Variants in FBN1 observed in about 807,000 individuals in gnomAD.
FBN1 encodes the protein fibrillin-1.
In FBN1, 29 loss-of-function variants were observed where a neutral mutation model predicts 365.1. The observed-to-expected ratio is 0.08, with a 90% CI of 0.06 to 0.11. The LOEUF is 0.11. Among genes scored for constraint, FBN1 ranks in the 10% least tolerant of loss-of-function variants. FBN1 has a pLI of 1.00. For missense variants in FBN1, 2,476 were observed against 3,703.2 expected, an observed-to-expected ratio of 0.67 and a Z score of 8.60; for synonymous variants, 1,210 against 1,270.5, an observed-to-expected ratio of 0.95 and a Z score of 1.01.
At chr15:48,534,283 T>C in intron 7 of FBN1, 78 bp from the exon 8 acceptor site, 1 of 1,442,114 alleles carries the variant, frequency 6.9e-7, no homozygotes, top group South Asian at 1.2e-5. Context: ...TGATAATTTG[T>C]CCACAATTAT....
At chr15:48,420,497 T>A (rs1210474352) in intron 63 of FBN1, among the ~76,000 whole-genome samples, 190 bp downstream of exon 63, 1 of 96,050 alleles carries the variant, frequency 1.0e-5, no homozygotes, top group African/African-American at 2.8e-5. Flanking sequence ...GCACCCTCAA[T>A]TATAATTTTT....
At chr15:48,532,462 ATG>A (rs570097106) in intron 8 of FBN1, among the ~76,000 whole-genome samples, 12 of 151,364 alleles carry the variant, frequency 7.9e-5, no homozygotes, top group East Asian at 3.9e-4. Flanking sequence ...ATATAAAGAT[ATG>A]TGTGTGTGTA....
intron 38 of FBN1, among the ~76,000 whole-genome samples, chr15:48,467,393 T>C (rs2043331625): frequency 6.6e-6 from 1 of 152,204 alleles, no homozygotes; most frequent in African/African-American, 2.4e-5. Flanking sequence ...AGAAGCTACA[T>C]CTAATTCTGA....
Position 48,463,960 on chromosome 15 carries a change from G to A in FBN1, c.5004C>T (p.Gly1668=). The A allele has an allele frequency of 6.2e-7, 1 of 1,613,516 alleles. No homozygotes were observed. Among genetic ancestry groups the A allele is most frequent in the Non-Finnish European group, 8.5e-7 (1 of 1,179,474 alleles). The change falls in exon 41 of 66, where the codon GGC becomes GGT. Residue 1668 remains glycine (G), a synonymous_variant. Coordinates refer to ENST00000316623, the MANE Select transcript of FBN1 (RefSeq NM_000138.5). ...CTGGAGGACAGATACAGGTGTAGTT[G>A]CCAACGGTGTTGTAACATGTCCCTG... ...CGPGTCYNTV[G]NYTCICPPDY... is the part of the protein sequence containing the mutation.
At chr15:48,468,647 G>A (rs1046388744) in intron 36 of FBN1, 113 bp from the exon 37 acceptor site, 1 of 1,036,648 alleles carries the variant, frequency 9.6e-7, no homozygotes, top group Non-Finnish European at 1.5e-6. Context: ...AAAGCTACTA[G>A]TTATAACTAC....
chr15:48,523,653 A>C (rs1171824994), intron 9 of FBN1, among the ~76,000 whole-genome samples: 3 of 147,608 alleles, frequency 2.0e-5, no homozygotes, highest in Non-Finnish European at 4.5e-5. Context: ...GACCTCCAGG[A>C]CACAGCAGCC....
chr15:48,566,750 G>A (rs540684593), intron 6 of FBN1, among the ~76,000 whole-genome samples: 26 of 152,332 alleles, frequency 1.7e-4, no homozygotes, highest in African/African-American at 6.3e-4. Flanking sequence ...TAGAGGAACA[G>A]CTGGAGACCC....
At chr15:48,415,387 A>G in intron 64 of FBN1, 149 bp downstream of exon 64, 2 of 695,582 alleles carry the variant, frequency 2.9e-6, no homozygotes, top group Non-Finnish European at 5.1e-6. Context: ...AAAATAACCT[A>G]AAACTTTTGC....
intron 6 of FBN1, among the ~76,000 whole-genome samples, chr15:48,574,967 T>C (rs1391567073): frequency 2.0e-5 from 3 of 152,216 alleles, no homozygotes; most frequent in South Asian, 4.1e-4. Context: ...TTATGTTAGA[T>C]GAAAATAACA....
In FBN1 at chr15:48,412,584, A is replaced by C; in HGVS notation, c.8211T>G (p.Asp2737Glu). The C allele has an allele frequency of 5.0e-6, 8 of 1,614,076 alleles. No individual in the cohort carries two copies. Among genetic ancestry groups the C allele is most frequent in the Non-Finnish European group, 6.8e-6 (8 of 1,179,950 alleles). The change falls in exon 65 of 66, where the codon GAT (aspartate) becomes GAG (glutamate). Residue 2737 changes from aspartate to glutamate, a missense_variant. Asp to Glu is a conservative substitution (Grantham distance 45). Transcript: ENST00000316623. ...TCTGACCCACCTCGATATTGGAGGC[A>C]TCAGTTTCGTTTGTGCTTCTCCGTT... Reference protein sequence around the residue: ...GRKRRSTNETDASNIEDQSET... With the variant: ...GRKRRSTNETEASNIEDQSET...
At chr15:48,465,906 T>G in intron 38 of FBN1, 48 bp from the exon 39 acceptor site, 2 of 1,271,248 alleles carry the variant, frequency 1.6e-6, no homozygotes, top group Non-Finnish European at 2.3e-6. Context: ...CTAAAGTTTT[T>G]AGAAATAGTA....
intron 6 of FBN1, among the ~76,000 whole-genome samples, chr15:48,584,207 C>T (rs936061652): frequency 1.3e-5 from 2 of 152,156 alleles, no homozygotes; most frequent in Admixed American, 1.3e-4. Context: ...TCCTGACAAT[C>T]TTACTAGATA....
In FBN1 at chr15:48,488,096, A is replaced by G; in HGVS notation, c.3337+17T>C. 5.0e-6 allele frequency: 8 copies of G among 1,614,128 alleles called. No homozygotes were observed. Among genetic ancestry groups the G allele is most frequent in the Non-Finnish European group, 6.8e-6 (8 of 1,180,014 alleles). ...AATCCTTCTCTTTCTGTGTTGATCA[A>G]ATGATCCCAAACTTACCCATGCAGT... On this transcript the variant is annotated intron_variant, in intron 27 of 65. Coordinates refer to ENST00000316623, the MANE Select transcript of FBN1 (RefSeq NM_000138.5).
chr15:48,645,468 C>CA (rs2140789850), intron 1 of FBN1, 107 bp downstream of exon 1: 1 of 152,670 alleles, frequency 6.6e-6, no homozygotes, highest in East Asian at 1.9e-4. Context: ...CCCCTCACCC[C>CA]AGTCCCTGTC....
intron 2 of FBN1, among the ~76,000 whole-genome samples, chr15:48,617,261 G>A (rs888143850): frequency 3.3e-5 from 5 of 151,734 alleles, no homozygotes; most frequent in African/African-American, 7.3e-5. Flanking sequence ...CTCAACCTCC[G>A]CCTCCCGGGT....
In FBN1 at chr15:48,487,333, G is replaced by A. The variant is rs140598; in HGVS notation, c.3442C>T (p.Pro1148Ser). The change falls in exon 28 of 66, where the codon CCC becomes TCC. Residue 1148 changes from proline (P) to serine (S), a missense_variant. Pro to Ser is a moderately conservative substitution (Grantham distance 74). Transcript: ENST00000316623. ...CECPPGHQLS[P>S]NISACIDINE... Reference sequence around the variant, plus strand: ...TTACCGATACACGCGGAGATGTTGGGGGACAGCTGATGGCCAGGCGGGCAT... The same window carrying A: ...TTACCGATACACGCGGAGATGTTGGAGGACAGCTGATGGCCAGGCGGGCAT... The A allele has an allele frequency of 6.2e-7, 1 of 1,614,216 alleles. No individual in the cohort carries two copies. Among genetic ancestry groups the A allele is most frequent in the South Asian group, 1.1e-5 (1 of 91,086 alleles).
intron 50 of FBN1, 34 bp from the exon 51 acceptor site, chr15:48,437,951 T>C: frequency 6.2e-7 from 1 of 1,610,006 alleles, no homozygotes; most frequent in South Asian, 1.1e-5. Context: ...CTTCAGTTGC[T>C]TTCCTACTGA....
In FBN1 at chr15:48,520,758, G is replaced by A. The variant is rs1297018373; in HGVS notation, c.1048C>T (p.Pro350Ser). ...LTNGRCSNQL[P>S]QSITKMQCCC... ...CACTGCATTTTGGTTATGGACTGTG[G>A]CAGCTGGTTAGAGCAGCGCCCGTTT... is the stretch of plus-strand genomic sequence containing the variant. Residue 350 changes from proline to serine, a missense_variant, in exon 10 of 66, where the codon CCA becomes TCA. Physicochemically the swap from Pro to Ser is moderately conservative, Grantham distance 74. Transcript: ENST00000316623. The A allele has an allele frequency of 1.2e-6, 2 of 1,614,172 alleles. No homozygotes were observed. The highest frequency in any genetic ancestry group is 1.7e-5 in the Admixed American group (1 of 60,024).
At chr15:48,560,906 G>C (rs943626263) in intron 6 of FBN1, among the ~76,000 whole-genome samples, 1 of 152,052 alleles carries the variant, frequency 6.6e-6, no homozygotes, top group Non-Finnish European at 1.5e-5. Flanking sequence ...ACCTCTCTGG[G>C]TCATAATTTC....
Sources: gnomAD v4.1 joint callset for allele counts (sites outside exome capture counted in the v4.1 genomes callset) on GRCh38, gnomAD v4.1.1 for gene constraint, MANE v1.5 for transcripts, NCBI Gene and HGNC (gene_info 2026-07-23, HGNC 2026-07-21) for gene names.